The following PRTFDC1 variants were observed in gnomAD, a reference collection of about 807,000 sequenced individuals.
PRTFDC1 encodes the protein phosphoribosyltransferase domain-containing protein 1.
In PRTFDC1, 38 loss-of-function variants were observed where a neutral mutation model predicts 34.6. The ratio of observed to expected loss-of-function variants is 1.10; its 90% confidence interval spans 0.85 to 1.44. PRTFDC1 has a LOEUF of 1.44. Ranked by LOEUF, PRTFDC1 falls within the 40% of genes most tolerant of loss-of-function variation. PRTFDC1 has a pLI of 0.00. For synonymous variants in PRTFDC1, 93 were observed against 98.1 expected (o/e 0.95, Z 0.31); for missense variants, 270 against 283.0 (o/e 0.95, Z 0.33).
intron 1 of PRTFDC1, among the ~76,000 whole-genome samples, chr10:24,945,235 C>T (rs1849234655): frequency 6.6e-6 from 1 of 152,156 alleles, no homozygotes; most frequent in African/African-American, 2.4e-5. Context: ...TGTTGAATCC[C>T]TCAGTGCCCA....
intron 4 of PRTFDC1, among the ~76,000 whole-genome samples, chr10:24,861,082 ATTCT>A (rs201333108): frequency 0.038 from 5,712 of 152,306 alleles, 334 homozygotes; most frequent in African/African-American, 0.13. Flanking sequence ...ATTAGCTTCA[ATTCT>A]AAGATATAGT....
intron 2 of PRTFDC1, among the ~76,000 whole-genome samples, chr10:24,940,759 A>C (rs1849141663): frequency 6.6e-6 from 1 of 152,230 alleles, no homozygotes; most frequent in Non-Finnish European, 1.5e-5. Flanking sequence ...AAGCATTTCC[A>C]CAATAGCCAA....
chr10:24,928,617 TA>T (rs1848918387), intron 3 of PRTFDC1, among the ~76,000 whole-genome samples: 2 of 152,096 alleles, frequency 1.3e-5, no homozygotes, highest in African/African-American at 4.8e-5. Context: ...CTAATTTTTG[TA>T]TTTTTAGTAG....
intron 3 of PRTFDC1, among the ~76,000 whole-genome samples, chr10:24,925,290 C>T (rs951650157): frequency 1.5e-4 from 23 of 151,838 alleles, no homozygotes; most frequent in East Asian, 5.8e-4. Context: ...GGACACAGGG[C>T]GGGGAACATC....
At chr10:24,855,263 A>G in intron 7 of PRTFDC1, 55 bp downstream of exon 7, 1 of 1,525,278 alleles carries the variant, frequency 6.6e-7, no homozygotes, top group South Asian at 1.2e-5. Flanking sequence ...ATAAAATGAA[A>G]CACCATAAGC....
intron 5 of PRTFDC1, among the ~76,000 whole-genome samples, chr10:24,858,101 C>T (rs753864510): frequency 7.2e-5 from 11 of 152,144 alleles, no homozygotes; most frequent in Non-Finnish European, 1.5e-4. Context: ...AGCTAGTTTC[C>T]TCTTCTTTAA....
intron 3 of PRTFDC1, among the ~76,000 whole-genome samples, chr10:24,874,514 A>C (rs750796724): frequency 1.3e-5 from 2 of 152,206 alleles, no homozygotes; most frequent in Admixed American, 6.5e-5. Flanking sequence ...GAATACAACT[A>C]CTAAACTACA....
chr10:24,900,162 T>C (rs1024358200), intron 3 of PRTFDC1, among the ~76,000 whole-genome samples: 1 of 152,258 alleles, frequency 6.6e-6, no homozygotes, highest in African/African-American at 2.4e-5. Flanking sequence ...ACTTATTTGA[T>C]ACCATTTCCC....
At chr10:24,858,045 CAG>C (rs1384109478) in intron 5 of PRTFDC1, among the ~76,000 whole-genome samples, 1 of 152,132 alleles carries the variant, frequency 6.6e-6, no homozygotes, top group Non-Finnish European at 1.5e-5. Flanking sequence ...TCAGGGTAAA[CAG>C]AGTTCTAACC....
intron 1 of PRTFDC1, among the ~76,000 whole-genome samples, chr10:24,945,123 C>T (rs536919789): frequency 3.3e-5 from 5 of 152,284 alleles, no homozygotes; most frequent in African/African-American, 1.2e-4. Flanking sequence ...AGACGCCTTC[C>T]CTGACCTTCA....
intron 3 of PRTFDC1, among the ~76,000 whole-genome samples, chr10:24,892,041 A>G (rs1338336212): frequency 6.6e-6 from 1 of 152,174 alleles, no homozygotes; most frequent in Non-Finnish European, 1.5e-5. Context: ...TAGTTTGGCT[A>G]TTATAGTGAG....
At chr10:24,866,374 A>G (rs915838074) in intron 4 of PRTFDC1, among the ~76,000 whole-genome samples, 9 of 150,204 alleles carry the variant, frequency 6.0e-5, no homozygotes, top group South Asian at 2.1e-4. Context: ...AAAAAAAAAA[A>G]AAAAAAGAAA....
chr10:24,908,572 T>A, intron 3 of PRTFDC1: 4 of 1,612,778 alleles, frequency 2.5e-6, no homozygotes, highest in Non-Finnish European at 3.4e-6. Context: ...GGAGGTAACC[T>A]CTCCAGAGGG....
rs1555045487 is a variant in PRTFDC1, at chr10:24,872,788, G to GTATATATATATA, written c.340-737_340-726dup. ...TGTGTATATATATATGTGTGTGTGTGTATATATATATATATATATTTTTTT... is the reference window on the plus strand; with the variant it reads ...TGTGTATATATATATGTGTGTGTGTGTATATATATATATATATATATATATATATATTTTTTT... On this transcript the variant is annotated intron_variant, in intron 3 of 8. Transcript: ENST00000320152. Among the ~76,000 whole-genome samples, 46 of 83,206 alleles carry GTATATATATATA rather than the reference G, an allele frequency of 5.5e-4. 1 individual carries two copies. Among genetic ancestry groups the GTATATATATATA allele is most frequent in the African/African-American group, 2.1e-3 (43 of 20,758 alleles). 54.6% of individuals were successfully genotyped at this position (83,206 alleles called of 152,430 possible).
At chr10:24,866,360 C>CA (rs372329425) in intron 4 of PRTFDC1, among the ~76,000 whole-genome samples, 1,516 of 50,764 alleles carry the variant, frequency 0.03, 12 homozygotes, top group East Asian at 0.05. Context: ...GATTCTGCCT[C>CA]AAAAAAAAAA....
intron 4 of PRTFDC1, chr10:24,868,102 G>A (rs1170704931): frequency 6.6e-6 from 1 of 152,214 alleles, no homozygotes; most frequent in African/African-American, 2.4e-5. Context: ...TGGCTTAATG[G>A]TTTTTTAAAT....
intron 3 of PRTFDC1, among the ~76,000 whole-genome samples, chr10:24,910,834 T>C (rs1848615140): frequency 6.6e-6 from 1 of 151,434 alleles, no homozygotes. Flanking sequence ...AATTACCAAA[T>C]CAGGCACCCT....
intron 4 of PRTFDC1, 82 bp downstream of exon 4, chr10:24,871,916 G>C: frequency 8.1e-7 from 1 of 1,228,158 alleles, no homozygotes; most frequent in South Asian, 1.3e-5. Flanking sequence ...TGTCTGAAAT[G>C]TCCTGTGAGT....
intron 3 of PRTFDC1, among the ~76,000 whole-genome samples, chr10:24,875,067 T>G (rs1197167713): frequency 3.3e-5 from 5 of 152,216 alleles, no homozygotes; most frequent in Non-Finnish European, 5.9e-5. Flanking sequence ...CCTGTGGAAC[T>G]GTGAATCAAT....
Sources: allele counts gnomAD v4.1 joint callset (sites outside exome capture counted in the v4.1 genomes callset), GRCh38; gene constraint gnomAD v4.1.1; transcripts MANE v1.5; gene names NCBI Gene and HGNC (gene_info 2026-07-23, HGNC 2026-07-21).